Variants in EFL1 observed in about 807,000 individuals in gnomAD.
EFL1 encodes elongation factor like GTPase 1.
EFL1 carries 76 observed loss-of-function variants against 126.7 expected under a neutral mutation model. The ratio of observed to expected loss-of-function variants is 0.60; its 90% CI spans 0.50 to 0.73. The LOEUF is 0.73. EFL1 is among the 30% of genes least tolerant of loss of function. The pLI is 0.00. For synonymous variants in EFL1, 410 were observed against 448.4 expected (o/e 0.91, Z 1.08); for missense variants, 1,128 against 1,343.2 (o/e 0.84, Z 2.50).
intron 15 of EFL1, among the ~76,000 whole-genome samples, chr15:82,176,894 GATAA>G (rs768667399): frequency 5.9e-5 from 9 of 152,138 alleles, no homozygotes; most frequent in Non-Finnish European, 1.2e-4. Context: ...CAGAAGAGTG[GATAA>G]ATAAACTGGT....
At chr15:82,135,859 T>A (rs896094904) in intron 19 of EFL1, among the ~76,000 whole-genome samples, 1 of 152,062 alleles carries the variant, frequency 6.6e-6, no homozygotes, top group Admixed American at 6.6e-5. Flanking sequence ...ATGCGGGAGG[T>A]AGAACGGCCA....
At chr15:82,224,912 C>T (rs2074745879) in intron 12 of EFL1, among the ~76,000 whole-genome samples, 1 of 152,196 alleles carries the variant, frequency 6.6e-6, no homozygotes, top group African/African-American at 2.4e-5. Flanking sequence ...GCTACTACTG[C>T]TAACATACTC....
intron 14 of EFL1, among the ~76,000 whole-genome samples, chr15:82,218,778 C>A (rs1018206877): frequency 1.6e-4 from 25 of 152,380 alleles, no homozygotes; most frequent in South Asian, 6.2e-4. Flanking sequence ...CCACGCAGCT[C>A]TGCACTCTCC....
At chr15:82,219,997 C>A in intron 13 of EFL1, 81 bp downstream of exon 13, 1 of 1,510,956 alleles carries the variant, frequency 6.6e-7, no homozygotes, top group Non-Finnish European at 8.8e-7. Flanking sequence ...GCTTAAAAAT[C>A]TCAAGAACTA....
chr15:82,211,420 G>T (rs1291424084), intron 15 of EFL1, among the ~76,000 whole-genome samples: 1 of 151,672 alleles, frequency 6.6e-6, no homozygotes, highest in Non-Finnish European at 1.5e-5. Flanking sequence ...CAGCTACTCA[G>T]GAGGCTTAGG....
intron 18 of EFL1, among the ~76,000 whole-genome samples, chr15:82,145,331 G>A (rs1595939747): frequency 6.6e-6 from 1 of 150,572 alleles, no homozygotes; most frequent in Non-Finnish European, 1.5e-5. Flanking sequence ...AGTAAACAGG[G>A]ACACTTATAA....
At chr15:82,219,587 C>G in intron 14 of EFL1, 65 bp downstream of exon 14, 2 of 1,517,476 alleles carry the variant, frequency 1.3e-6, no homozygotes, top group Non-Finnish European at 1.8e-6. Context: ...CCAGTCCCAA[C>G]AAAATGTGAA....
intron 19 of EFL1, among the ~76,000 whole-genome samples, chr15:82,134,382 T>C (rs1014984664): frequency 9.9e-5 from 15 of 151,834 alleles, no homozygotes; most frequent in Non-Finnish European, 1.3e-4. Flanking sequence ...TTTTTTTTTT[T>C]CCCTCACTGC....
intron 18 of EFL1, among the ~76,000 whole-genome samples, chr15:82,149,454 C>T (rs1030794915): frequency 6.6e-6 from 1 of 151,892 alleles, no homozygotes; most frequent in Admixed American, 6.6e-5. Flanking sequence ...AATGAGAAGA[C>T]GTAATTGTTA....
chr15:82,147,232 C>A (rs1465337563), intron 18 of EFL1, among the ~76,000 whole-genome samples: 1 of 152,096 alleles, frequency 6.6e-6, no homozygotes, highest in Non-Finnish European at 1.5e-5. Flanking sequence ...AGATGGCAAT[C>A]TGGGGAGAAA....
intron 19 of EFL1, among the ~76,000 whole-genome samples, chr15:82,137,627 A>C (rs2073736112): frequency 6.6e-6 from 1 of 152,254 alleles, no homozygotes. Context: ...CTGACTCCAA[A>C]GTCAATGGTT....
At chr15:82,178,103 A>T (rs2074213312) in intron 15 of EFL1, among the ~76,000 whole-genome samples, 1 of 152,240 alleles carries the variant, frequency 6.6e-6, no homozygotes, top group South Asian at 2.1e-4. Context: ...GTCTTTTCTC[A>T]ATAAGCATTC....
intron 16 of EFL1, among the ~76,000 whole-genome samples, chr15:82,163,224 T>C (rs1353146622): frequency 6.6e-6 from 1 of 152,092 alleles, no homozygotes; most frequent in Non-Finnish European, 1.5e-5. Flanking sequence ...GAGATAAGAT[T>C]CCAACTAAGA....
intron 15 of EFL1, among the ~76,000 whole-genome samples, chr15:82,167,664 G>A (rs2074093727): frequency 6.6e-6 from 1 of 152,070 alleles, no homozygotes; most frequent in African/African-American, 2.4e-5. Flanking sequence ...GCAGGAAGAT[G>A]GTAAAACCAT....
In EFL1 at chr15:82,148,391, A is replaced by G. The variant is rs376162989; in HGVS notation, c.2989+3074T>C. Among the ~76,000 whole-genome samples, 13 of 152,058 alleles carry G rather than the reference A, an allele frequency of 8.5e-5. No homozygotes were observed. The South Asian group carries it at 2.7e-3, about 32-fold the overall frequency. On this transcript the variant is annotated intron_variant, in intron 18 of 19. Coordinates refer to ENST00000268206, the MANE Select transcript of EFL1 (RefSeq NM_024580.6). ...AGAATCCATCTCAAAAAAAAAAAAA[A>G]AAAAGTTTCAAATTTTAGATGATTT...
intron 15 of EFL1, among the ~76,000 whole-genome samples, chr15:82,191,543 C>G (rs959835191): frequency 3.3e-5 from 5 of 151,088 alleles, no homozygotes; most frequent in African/African-American, 1.2e-4. Flanking sequence ...ACATGAAATC[C>G]CAAACTCATT....
At position 82,171,010 on chromosome 15, in the gene EFL1, G is replaced by A. The variant is rs72749546; in HGVS notation, c.1751-7026C>T. 3.1e-3 allele frequency among the ~76,000 whole-genome samples: 470 copies of A among 152,252 alleles called. 1 individual carries two copies. Among genetic ancestry groups the A allele is most frequent in the Non-Finnish European group, 5.4e-3 (365 of 68,008 alleles). On this transcript the variant is annotated intron_variant, in intron 15 of 19. Transcript: ENST00000268206. ...ATTTGTTTTAAGACAAAAAGAAAGG[G>A]GAAGAGATACGGCTTTACACAACCA...
At chr15:82,261,936 T>A in intron 1 of EFL1, 139 bp from the exon 2 acceptor site, 2 of 607,364 alleles carry the variant, frequency 3.3e-6, no homozygotes, top group East Asian at 5.6e-5. Flanking sequence ...ATTGATGAGA[T>A]AGACCACCAA....
chr15:82,219,979 C>T (rs151255309), intron 13 of EFL1, 99 bp downstream of exon 13: 41 of 1,497,264 alleles, frequency 2.7e-5, no homozygotes, highest in Middle Eastern at 4.7e-4. Flanking sequence ...ATAAAAACTA[C>T]GATTAAAGCT....
Sources: allele counts gnomAD v4.1 joint callset (sites outside exome capture counted in the v4.1 genomes callset), GRCh38; gene constraint gnomAD v4.1.1; transcripts MANE v1.5; gene names NCBI Gene and HGNC (gene_info 2026-07-23, HGNC 2026-07-21).